The following SH3RF3 variants were observed in gnomAD, a reference collection of about 807,000 sequenced individuals.
SH3RF3 encodes SH3 domain containing ring finger 3.
A neutral mutation model predicts 66.3 loss-of-function variants in SH3RF3; 29 were observed. That is an observed-to-expected ratio of 0.44 (90% CI 0.33 to 0.60). The LOEUF (loss-of-function observed/expected upper bound fraction) is 0.60. Among genes scored for constraint, SH3RF3 ranks in the 20% least tolerant of loss-of-function variants. The pLI is 0.04. For missense variants in SH3RF3, 1,194 were observed against 1,190.9 expected (o/e 1.00, Z -0.04); for synonymous variants, 583 against 532.0 (o/e 1.10, Z -1.32).
intron 1 of SH3RF3, among the ~76,000 whole-genome samples, chr2:109,130,594 C>T (rs1316701318): frequency 6.6e-6 from 1 of 152,050 alleles, no homozygotes; most frequent in Non-Finnish European, 1.5e-5. Flanking sequence ...GGGCAGAAGG[C>T]AGAGTGGGAC....
At chr2:109,438,389 T>G (rs10178043) in intron 7 of SH3RF3, among the ~76,000 whole-genome samples, 13,058 of 152,206 alleles carry the variant, frequency 0.086, 739 homozygotes, top group African/African-American at 0.15. Flanking sequence ...TGGGTGCAGG[T>G]GGACTTCAGG....
At chr2:109,498,670 C>T (rs1466745899) in intron 9 of SH3RF3, among the ~76,000 whole-genome samples, 2 of 152,322 alleles carry the variant, frequency 1.3e-5, no homozygotes, top group South Asian at 2.1e-4. Flanking sequence ...TCAAGTAGGT[C>T]CAGGATGGGC....
chr2:109,443,210 A>G (rs1559086392), intron 7 of SH3RF3, among the ~76,000 whole-genome samples: 1 of 152,262 alleles, frequency 6.6e-6, no homozygotes, highest in Non-Finnish European at 1.5e-5. Flanking sequence ...TTATTTGACA[A>G]AAGAGAAAAT....
At chr2:109,131,889 A>G (rs1444026205) in intron 1 of SH3RF3, among the ~76,000 whole-genome samples, 1 of 152,202 alleles carries the variant, frequency 6.6e-6, no homozygotes, top group Admixed American at 6.5e-5. Flanking sequence ...ACTAATAAGC[A>G]GGAGTCCCGC....
intron 1 of SH3RF3, among the ~76,000 whole-genome samples, chr2:109,219,480 T>C (rs958534950): frequency 6.6e-6 from 1 of 152,156 alleles, no homozygotes; most frequent in Non-Finnish European, 1.5e-5. Flanking sequence ...AAATAAATTA[T>C]TGGCTTCCAA....
intron 2 of SH3RF3, among the ~76,000 whole-genome samples, chr2:109,371,009 A>G (rs987402177): frequency 6.6e-6 from 1 of 152,280 alleles, no homozygotes; most frequent in Non-Finnish European, 1.5e-5. Flanking sequence ...AATAAATAAT[A>G]GGAGTTGCAT....
In SH3RF3 at chr2:109,167,264, G is replaced by T. The variant is rs775070954; in HGVS notation, c.573+37151G>T. ...GACCAAAATGTAGCTACCAATTTAT[G>T]TAGCTGCTTGACAAATCATAGGTAC... On this transcript the variant is annotated intron_variant, in intron 1 of 9. Coordinates refer to ENST00000309415, the MANE Select transcript of SH3RF3 (RefSeq NM_001099289.3). 1.6e-4 allele frequency among the ~76,000 whole-genome samples: 24 copies of T among 152,184 alleles called. 1 individual carries two copies. Among genetic ancestry groups the T allele is most frequent in the Admixed American group, 8.5e-4 (13 of 15,290 alleles).
rs114440141 is a variant in SH3RF3, at chr2:109,405,592, A to G, written c.1299+6649A>G. Reference sequence around the variant, plus strand: ...CATGTCCCTTTTGCTGCCCCTCAGCATGGCATTCTACCTACCAGGCAACAC... The same window carrying G: ...CATGTCCCTTTTGCTGCCCCTCAGCGTGGCATTCTACCTACCAGGCAACAC... On this transcript the variant is annotated intron_variant, in intron 4 of 9. Coordinates refer to ENST00000309415, the MANE Select transcript of SH3RF3 (RefSeq NM_001099289.3). Among the ~76,000 whole-genome samples the G allele has an allele frequency of 9.6e-3, 1,465 of 152,282 alleles. 27 individuals carry two copies. The highest frequency in any genetic ancestry group is 0.034 in the African/African-American group (1,393 of 41,546).
In SH3RF3 at chr2:109,433,754, G is replaced by T. The variant is rs545285932; in HGVS notation, c.1574+1083G>T. ...TGCCCAGAAGCGGGGGCTAAGGGAT[G>T]ATGGAGTTGCCCAAAGCCTGAAAGG... On this transcript the variant is annotated intron_variant, in intron 6 of 9. Transcript: ENST00000309415. 1.6e-4 allele frequency among the ~76,000 whole-genome samples: 25 copies of T among 152,354 alleles called. No homozygotes were observed. The East Asian group carries it at 4.1e-3, about 25-fold the overall frequency.
At chr2:109,410,088 A>G (rs769322384) in intron 4 of SH3RF3, among the ~76,000 whole-genome samples, 11 of 152,106 alleles carry the variant, frequency 7.2e-5, no homozygotes, top group Non-Finnish European at 1.5e-4. Flanking sequence ...CCTGGTTCCC[A>G]GCCACTGCTT....
At chr2:109,499,923 G>C (rs964848990) in intron 9 of SH3RF3, among the ~76,000 whole-genome samples, 1 of 152,208 alleles carries the variant, frequency 6.6e-6, no homozygotes, top group South Asian at 2.1e-4. Flanking sequence ...AAGTGACTGG[G>C]GGTTTCCAAG....
chr2:109,362,454 A>G (rs1054189178), intron 2 of SH3RF3, among the ~76,000 whole-genome samples: 8 of 152,070 alleles, frequency 5.3e-5, no homozygotes, highest in Non-Finnish European at 8.8e-5. Flanking sequence ...ATTTGTTTAA[A>G]TTTGTTAAGG....
At chr2:109,296,417 T>C (rs1400476828) in intron 1 of SH3RF3, among the ~76,000 whole-genome samples, 5 of 151,860 alleles carry the variant, frequency 3.3e-5, no homozygotes, top group Non-Finnish European at 2.9e-5. Context: ...GTGTTTTTTA[T>C]TGTTAGTAGG....
At chr2:109,483,736 A>G (rs1678893071) in intron 8 of SH3RF3, among the ~76,000 whole-genome samples, 1 of 152,198 alleles carries the variant, frequency 6.6e-6, no homozygotes, top group Non-Finnish European at 1.5e-5. Flanking sequence ...GCTGTGCCAC[A>G]TGAGGTCACA....
intron 1 of SH3RF3, among the ~76,000 whole-genome samples, chr2:109,292,562 A>G (rs1036396181): frequency 6.6e-6 from 1 of 152,146 alleles, no homozygotes; most frequent in Non-Finnish European, 1.5e-5. Context: ...TTTAAATGAC[A>G]TCATCCCCTA....
Position 109,419,554 on chromosome 2 carries a change from G to A in SH3RF3, c.1315G>A (p.Ala439Thr). 1.3e-6 allele frequency: 2 copies of A among 1,597,246 alleles called. No individual in the cohort carries two copies. The highest frequency in any genetic ancestry group is 1.3e-5 in the African/African-American group (1 of 74,762). Residue 439 changes from alanine (A) to threonine (T), a missense_variant, in exon 5 of 10, where the codon GCG becomes ACG. Transcript: ENST00000309415. ...AAPTQDVSSS[A>T]GSTPTAVPRA... is the part of the protein sequence containing the mutation. ...CTGTTTCCAGGATGTCTCCTCCTCG[G>A]CGGGATCTACCCCCACGGCTGTCCC...
intron 7 of SH3RF3, among the ~76,000 whole-genome samples, chr2:109,440,894 A>T (rs1215839789): frequency 6.6e-6 from 1 of 152,196 alleles, no homozygotes; most frequent in Non-Finnish European, 1.5e-5. Context: ...ATTAGTGCTA[A>T]CAGTGCCCAG....
chr2:109,137,560 C>T (rs1477733506), intron 1 of SH3RF3, among the ~76,000 whole-genome samples: 1 of 152,204 alleles, frequency 6.6e-6, no homozygotes, highest in Non-Finnish European at 1.5e-5. Context: ...GCCATCAAAG[C>T]ACACCACCTT....
At chr2:109,445,761 G>T (rs1677688091) in intron 7 of SH3RF3, among the ~76,000 whole-genome samples, 1 of 152,036 alleles carries the variant, frequency 6.6e-6, no homozygotes, top group Admixed American at 6.5e-5. Flanking sequence ...AGAGAGGGGG[G>T]TTGGCTTGGA....
Sources: allele counts gnomAD v4.1 joint callset (sites outside exome capture counted in the v4.1 genomes callset), GRCh38; gene constraint gnomAD v4.1.1; transcripts MANE v1.5; gene names NCBI Gene and HGNC (gene_info 2026-07-23, HGNC 2026-07-21).